CFAP299: variants seen among roughly 807,000 people sequenced by gnomAD.
The protein encoded by CFAP299 is cilia and flagella associated protein 299.
A neutral mutation model predicts 27.0 loss-of-function variants in CFAP299; 21 were observed. The ratio of observed to expected loss-of-function variants is 0.78; its 90% CI spans 0.55 to 1.12. The LOEUF (loss-of-function observed/expected upper bound fraction) is 1.12, where lower values mean the gene tolerates loss of function less well. Among genes scored for constraint, CFAP299 ranks in the 50% most tolerant of loss-of-function variants. The pLI is 0.00. For missense variants in CFAP299, 310 were observed against 276.6 expected (o/e 1.12, Z -0.86); for synonymous variants, 104 against 98.1 (o/e 1.06, Z -0.36).
chr4:80,417,144 G>A (rs1488491782), intron 2 of CFAP299, among the ~76,000 whole-genome samples: 1 of 152,164 alleles, frequency 6.6e-6, no homozygotes, highest in African/African-American at 2.4e-5. Context: ...TAGACTGTAA[G>A]GTAACTTCCT....
intron 3 of CFAP299, among the ~76,000 whole-genome samples, chr4:80,628,397 A>G (rs1739026966): frequency 6.6e-6 from 1 of 152,100 alleles, no homozygotes; most frequent in Non-Finnish European, 1.5e-5. Flanking sequence ...AAAACTTAGG[A>G]GAAAAACTAT....
At chr4:80,548,323 C>G (rs551672914) in intron 2 of CFAP299, among the ~76,000 whole-genome samples, 5 of 152,070 alleles carry the variant, frequency 3.3e-5, no homozygotes, top group African/African-American at 1.2e-4. Context: ...TAAGTGGGAG[C>G]TAAACATTTT....
At chr4:80,341,291 A>C (rs1326720281) in intron 1 of CFAP299, among the ~76,000 whole-genome samples, 2 of 152,208 alleles carry the variant, frequency 1.3e-5, no homozygotes, top group Non-Finnish European at 2.9e-5. Context: ...GGCAGTGTGG[A>C]TGAGGAAGGA....
rs74388110 is a variant in CFAP299, at chr4:80,556,063, T to C, written c.243-27030T>C. Among the ~76,000 whole-genome samples the C allele has an allele frequency of 6.4e-3, 976 of 152,192 alleles. 13 individuals carry two copies. Among genetic ancestry groups the C allele is most frequent in the African/African-American group, 0.023 (936 of 41,548 alleles). ...GCAACATTTCAAACAACAAAAGCCA[T>C]ACAAATTGTTTTTGTCTTCCATTAG... On this transcript the variant is annotated intron_variant, in intron 2 of 5. Transcript: ENST00000358105.
At chr4:80,706,977 G>A (rs1721858187) in intron 3 of CFAP299, among the ~76,000 whole-genome samples, 1 of 151,946 alleles carries the variant, frequency 6.6e-6, no homozygotes, top group Non-Finnish European at 1.5e-5. Flanking sequence ...TCACACAATA[G>A]GGAACACTGC....
At chr4:80,397,165 C>T (rs1057065095) in intron 2 of CFAP299, among the ~76,000 whole-genome samples, 9 of 152,000 alleles carry the variant, frequency 5.9e-5, no homozygotes, top group South Asian at 2.1e-4. Context: ...AGTTTATTTG[C>T]GTAGAGGTGT....
chr4:80,835,003 G>T (rs1730486511), intron 3 of CFAP299, among the ~76,000 whole-genome samples: 1 of 152,014 alleles, frequency 6.6e-6, no homozygotes, highest in South Asian at 2.1e-4. Context: ...CTAATATTCT[G>T]CCTTCCCACT....
At chr4:80,397,047 T>C (rs1250422123) in intron 2 of CFAP299, among the ~76,000 whole-genome samples, 1 of 152,168 alleles carries the variant, frequency 6.6e-6, no homozygotes, top group Non-Finnish European at 1.5e-5. Flanking sequence ...AATTATTGCC[T>C]CAATTTCAGA....
chr4:80,540,342 G>A lies in CFAP299; in HGVS notation c.243-42751G>A, dbSNP rs116741011. On this transcript the variant is annotated intron_variant, in intron 2 of 5. Coordinates refer to ENST00000358105, the MANE Select transcript of CFAP299 (RefSeq NM_152770.3). ...TTAACCATTTTAGGATTAATGAAACGTTCCTAGTTTGAGAAATCAGTAGCT... is the reference window on the plus strand; with the variant it reads ...TTAACCATTTTAGGATTAATGAAACATTCCTAGTTTGAGAAATCAGTAGCT... Among the ~76,000 whole-genome samples, 949 of 152,236 alleles carry A rather than the reference G, an allele frequency of 6.2e-3. 11 individuals are homozygous for A. Among genetic ancestry groups the A allele is most frequent in the African/African-American group, 0.022 (899 of 41,536 alleles).
intron 2 of CFAP299, among the ~76,000 whole-genome samples, chr4:80,378,532 A>T: frequency 6.6e-6 from 1 of 151,640 alleles, no homozygotes; most frequent in East Asian, 1.9e-4. Context: ...TAAATATGTT[A>T]GCTCTAGTGG....
In CFAP299 at chr4:80,944,895, T is replaced by A; in HGVS notation, c.562T>A (p.Phe188Ile). The A allele has an allele frequency of 6.8e-6, 11 of 1,613,192 alleles. No homozygotes were observed. The highest frequency in any genetic ancestry group is 9.3e-6 in the Non-Finnish European group (11 of 1,179,408). The change falls in exon 5 of 6, where the codon TTC (phenylalanine) becomes ATC (isoleucine). Residue 188 changes from phenylalanine to isoleucine, a missense_variant. Coordinates refer to ENST00000358105, the MANE Select transcript of CFAP299 (RefSeq NM_152770.3). ...TGCCGATAATCCAGAAGGCTTACTTTTCAGATACAAAAGAGACAGAAAAAT... is the reference window on the plus strand; with the variant it reads ...TGCCGATAATCCAGAAGGCTTACTTATCAGATACAAAAGAGACAGAAAAAT... ...VIADNPEGLL[F>I]RYKRDRKILN... is the part of the protein sequence containing the mutation.
At chr4:80,891,777 T>A (rs370864794) in intron 4 of CFAP299, among the ~76,000 whole-genome samples, 2,324 of 18,814 alleles carry the variant, frequency 0.12, 63 homozygotes, top group African/African-American at 0.32. Flanking sequence ...AAAAAAAAAA[T>A]TAAAAAAAAA....
At position 80,800,108 on chromosome 4, in the gene CFAP299, T is replaced by A. The variant is rs1346730140; in HGVS notation, c.334-69885T>A. On this transcript the variant is annotated intron_variant, in intron 3 of 5. Coordinates refer to ENST00000358105, the MANE Select transcript of CFAP299 (RefSeq NM_152770.3). Reference sequence around the variant, plus strand: ...TAAATATATATAATATATAATATATTATATATAAGATATTAATATAAATAT... The same window carrying A: ...TAAATATATATAATATATAATATATAATATATAAGATATTAATATAAATAT... Among the ~76,000 whole-genome samples, 176 of 62,010 alleles carry A rather than the reference T, an allele frequency of 2.8e-3. 1 individual carries two copies. Among genetic ancestry groups the A allele is most frequent in the African/African-American group, 0.011 (174 of 15,920 alleles). 40.7% of individuals were successfully genotyped at this position (62,010 alleles called of 152,430 possible). A position where few individuals can be genotyped will look rare whatever the true frequency, so the allele number is the denominator to read the frequency against.
At chr4:80,412,826 A>G (rs1371605115) in intron 2 of CFAP299, among the ~76,000 whole-genome samples, 2 of 152,204 alleles carry the variant, frequency 1.3e-5, no homozygotes, top group African/African-American at 4.8e-5. Flanking sequence ...TGGTTAAAGT[A>G]ATCTCAGTTC....
At chr4:80,338,470 T>A (rs1560518950) in intron 1 of CFAP299, among the ~76,000 whole-genome samples, 1 of 152,234 alleles carries the variant, frequency 6.6e-6, no homozygotes, top group Non-Finnish European at 1.5e-5. Context: ...CACAAGATTT[T>A]TTTTTGGTTC....
chr4:80,487,835 T>A (rs1443284455), intron 2 of CFAP299, among the ~76,000 whole-genome samples: 1 of 152,128 alleles, frequency 6.6e-6, no homozygotes. Flanking sequence ...GAGCCATAGG[T>A]TCATGATTCA....
chr4:80,654,784 C>CTTTT lies in CFAP299; in HGVS notation c.333+71618_333+71621dup, dbSNP rs369680550. The stretch of plus-strand genomic sequence containing the variant: ...GCCACCATGCCGAGCTAATTTTTAA[C>CTTTT]TTTTTTTTTTTTTTTTTTTTGGTAG... On this transcript the variant is annotated intron_variant, in intron 3 of 5. Transcript: ENST00000358105. 4.8e-4 allele frequency among the ~76,000 whole-genome samples: 61 copies of CTTTT among 126,790 alleles called. 1 individual carries two copies. In the East Asian group the frequency reaches 5.0e-3, roughly 10 times the overall value. 83.2% of individuals were successfully genotyped at this position (126,790 alleles called of 152,430 possible).
At chr4:80,548,233 G>A (rs1264049716) in intron 2 of CFAP299, among the ~76,000 whole-genome samples, 3 of 152,138 alleles carry the variant, frequency 2.0e-5, no homozygotes, top group African/African-American at 7.2e-5. Context: ...CAGCAACATG[G>A]ATGTATTAAT....
At chr4:80,386,500 C>G (rs553215762) in intron 2 of CFAP299, 5 of 1,499,346 alleles carry the variant, frequency 3.3e-6, no homozygotes, top group Non-Finnish European at 2.7e-6. Context: ...GCCCTCTTCT[C>G]GCGGGCGGTG....
Sources: allele counts gnomAD v4.1 joint callset (sites outside exome capture counted in the v4.1 genomes callset), GRCh38; gene constraint gnomAD v4.1.1; transcripts MANE v1.5; gene names NCBI Gene and HGNC (gene_info 2026-07-23, HGNC 2026-07-21).